The following ZNF341 variants were observed in gnomAD, a reference collection of about 807,000 sequenced individuals.
ZNF341 encodes the protein zinc finger protein 341.
ZNF341 carries 52 observed loss-of-function variants against 87.7 expected under a neutral mutation model. That is an observed-to-expected ratio of 0.59 (90% CI 0.47 to 0.75). The LOEUF (loss-of-function observed/expected upper bound fraction) is 0.75, where lower values mean the gene tolerates loss of function less well. Among genes scored for constraint, ZNF341 ranks in the 30% least tolerant of loss-of-function variants. ZNF341 has a pLI of 0.00. For missense variants in ZNF341, 977 were observed against 1,145.9 expected, an observed-to-expected ratio of 0.85 and a Z score of 2.13; for synonymous variants, 459 against 472.7, an observed-to-expected ratio of 0.97 and a Z score of 0.38.
At position 33,791,194 on chromosome 20, in the gene ZNF341, C is replaced by G. The variant is rs184458008; in HGVS notation, c.2242C>G (p.Gln748Glu). 4 of 1,612,844 alleles carry G rather than the reference C, an allele frequency of 2.5e-6. No individual in the cohort carries two copies. The highest frequency in any genetic ancestry group is 3.3e-5 in the Admixed American group (2 of 60,018). Residue 748 changes from glutamine (Q) to glutamate (E), a missense_variant, in exon 15 of 15, where the codon CAG becomes GAG. Gln to Glu is a conservative substitution (Grantham distance 29). Transcript: ENST00000375200. ...GGACCTGCAAACCCGGCGGCCCCCC[C>G]AGAGGAGGGCAGCCCCCCGCAGTTG... ...DKDLQTRRPP[Q>E]RRAAPRSCGS...
chr20:33,734,025 T>G (rs1206905096), intron 1 of ZNF341, among the ~76,000 whole-genome samples: 1 of 152,208 alleles, frequency 6.6e-6, no homozygotes, highest in Non-Finnish European at 1.5e-5. Flanking sequence ...ACTTCCTCAT[T>G]GTTTGAATAT....
chr20:33,754,150 T>C (rs6120365), intron 5 of ZNF341, among the ~76,000 whole-genome samples: 31,404 of 152,110 alleles, frequency 0.21, 3,666 homozygotes, highest in East Asian at 0.55. Flanking sequence ...CCAGCTTAGA[T>C]AGCGCAGGTA....
chr20:33,783,917 C>T lies in ZNF341; in HGVS notation c.1852+53C>T, dbSNP rs1342038275. 48 of 1,550,420 alleles carry T rather than the reference C, an allele frequency of 3.1e-5. 1 individual carries two copies. Among genetic ancestry groups the T allele is most frequent in the South Asian group, 2.6e-4 (22 of 84,056 alleles). On this transcript the variant is annotated intron_variant, in intron 12 of 14. Coordinates refer to ENST00000375200, the MANE Select transcript of ZNF341 (RefSeq NM_001282933.2). ...GCCCAGCCCCTCCCCTCCCCCTCCC[C>T]CTCTCCTCATGCCTTTCTCTCTCTT...
chr20:33,746,923 G>C (rs1265980744), intron 3 of ZNF341, among the ~76,000 whole-genome samples: 1 of 152,172 alleles, frequency 6.6e-6, no homozygotes, highest in Non-Finnish European at 1.5e-5. Context: ...CAGGAGTTCA[G>C]CTGGGCACGT....
intron 3 of ZNF341, 81 bp downstream of exon 3, chr20:33,745,380 A>G (rs2013643218): frequency 7.2e-7 from 1 of 1,388,246 alleles, no homozygotes; most frequent in Admixed American, 2.1e-5. Flanking sequence ...CTGGGGCTAT[A>G]GCAATGGATA....
intron 1 of ZNF341, among the ~76,000 whole-genome samples, chr20:33,737,408 G>A (rs576485373): frequency 2.0e-5 from 3 of 152,028 alleles, no homozygotes; most frequent in Non-Finnish European, 4.4e-5. Context: ...TGCAACCTCC[G>A]CCTCCTGGGT....
chr20:33,756,403 A>G (rs1401457635), intron 5 of ZNF341, among the ~76,000 whole-genome samples: 3 of 141,216 alleles, frequency 2.1e-5, no homozygotes, highest in Non-Finnish European at 4.6e-5. Flanking sequence ...GTCTCACTCC[A>G]TCGCCCAGGC....
chr20:33,770,339 CAGGG>C, intron 10 of ZNF341, 47 bp downstream of exon 10: 52 of 500,122 alleles, frequency 1.0e-4, no homozygotes, highest in East Asian at 3.0e-4. Flanking sequence ...GGTGGGTGGG[CAGGG>C]AGCCCAGGGC....
At chr20:33,775,805 T>A (rs983116247) in intron 10 of ZNF341, among the ~76,000 whole-genome samples, 2 of 152,044 alleles carry the variant, frequency 1.3e-5, no homozygotes, top group East Asian at 3.9e-4. Context: ...GCTCAAACAA[T>A]CCATCCCCCT....
intron 7 of ZNF341, among the ~76,000 whole-genome samples, chr20:33,761,404 A>C (rs1382190064): frequency 6.6e-6 from 1 of 152,160 alleles, no homozygotes; most frequent in East Asian, 1.9e-4. Flanking sequence ...AGCTGGGATT[A>C]TAGATGCACA....
chr20:33,737,083 G>A (rs1256992494), intron 1 of ZNF341, among the ~76,000 whole-genome samples: 1 of 152,182 alleles, frequency 6.6e-6, no homozygotes, highest in Admixed American at 6.5e-5. Context: ...GGCAGGTGCT[G>A]CCAGATGGTC....
intron 1 of ZNF341, among the ~76,000 whole-genome samples, chr20:33,736,223 C>T (rs759601434): frequency 2.6e-5 from 4 of 151,056 alleles, no homozygotes; most frequent in Non-Finnish European, 4.4e-5. Flanking sequence ...TGGCCCTCCT[C>T]CCCCACTCTA....
chr20:33,736,252 A>G lies in ZNF341; in HGVS notation c.31+4200A>G, dbSNP rs376209088. 4.4e-3 allele frequency among the ~76,000 whole-genome samples: 666 copies of G among 150,870 alleles called. 4 individuals carry two copies. Among genetic ancestry groups the G allele is most frequent in the East Asian group, 0.019 (95 of 5,060 alleles). On this transcript the variant is annotated intron_variant, in intron 1 of 14. Coordinates refer to ENST00000375200, the MANE Select transcript of ZNF341 (RefSeq NM_001282933.2). Reference sequence around the variant, plus strand: ...CACTCTAGTGGGGCTTAAGCCCCCCACCATTCTGAAACTGCCTCTGCAAAA... The same window carrying G: ...CACTCTAGTGGGGCTTAAGCCCCCCGCCATTCTGAAACTGCCTCTGCAAAA...
Position 33,790,986 on chromosome 20 carries a change from A to G in ZNF341, c.2036-2A>G. On this transcript the variant is annotated splice_acceptor_variant, in intron 14 of 14. Coordinates refer to ENST00000375200, the MANE Select transcript of ZNF341 (RefSeq NM_001282933.2). LOFTEE classifies it high-confidence loss of function. ...TCTCACTGACTTTCCCTTGCCCTCC[A>G]GGCATGAAGCTCCACAAATGCGCCC... 6.2e-7 allele frequency: 1 copy of G among 1,607,850 alleles called. No homozygotes were observed. The highest frequency in any genetic ancestry group is 8.5e-7 in the Non-Finnish European group (1 of 1,176,346).
At chr20:33,785,790 G>A (rs1380150731) in intron 12 of ZNF341, among the ~76,000 whole-genome samples, 1 of 152,026 alleles carries the variant, frequency 6.6e-6, no homozygotes, top group Non-Finnish European at 1.5e-5. Context: ...GCTTGCTTAC[G>A]TTTGCAAAAA....
At chr20:33,745,374 G>T in intron 3 of ZNF341, 75 bp downstream of exon 3, 1 of 1,457,234 alleles carries the variant, frequency 6.9e-7, no homozygotes. Context: ...TGGGCACTGG[G>T]GCTATAGCAA....
At chr20:33,776,692 A>AT (rs2019634062) in intron 10 of ZNF341, among the ~76,000 whole-genome samples, 2 of 151,038 alleles carry the variant, frequency 1.3e-5, no homozygotes, top group South Asian at 2.1e-4. Context: ...GCCAATTTTT[A>AT]TTTTTTTAGA....
At chr20:33,741,178 C>T (rs1007238558) in intron 2 of ZNF341, among the ~76,000 whole-genome samples, 166 bp downstream of exon 2, 1 of 152,126 alleles carries the variant, frequency 6.6e-6, no homozygotes, top group Non-Finnish European at 1.5e-5. Flanking sequence ...TTTGGGCTCA[C>T]GGCTTTCTCT....
In ZNF341 at chr20:33,791,650, A is replaced by C; in HGVS notation, c.*133A>C. ...ATTGGCAGAAATCCTGCTGAATGTC[A>C]TTCAGAAACCTCAGCCCATGGTCGC... On this transcript the variant is annotated 3_prime_UTR_variant, in exon 15 of 15. Transcript: ENST00000375200. 2.8e-6 allele frequency: 3 copies of C among 1,068,828 alleles called. No individual in the cohort carries two copies. The highest frequency in any genetic ancestry group is 3.9e-6 in the Non-Finnish European group (3 of 773,652). 66.2% of individuals were successfully genotyped at this position (1,068,828 alleles called of 1,614,324 possible).
Sources: gnomAD v4.1 joint callset for allele counts (sites outside exome capture counted in the v4.1 genomes callset) on GRCh38, gnomAD v4.1.1 for gene constraint, MANE v1.5 for transcripts, NCBI Gene and HGNC (gene_info 2026-07-23, HGNC 2026-07-21) for gene names.